The following B4GALNT3 variants were observed in gnomAD, a reference collection of about 807,000 sequenced individuals.
B4GALNT3 encodes the protein beta-1,4-N-acetylgalactosaminyltransferase 3.
Under a neutral mutation model 120.2 loss-of-function variants are expected in B4GALNT3, and 86 were observed. That is an observed-to-expected ratio of 0.72 (90% CI 0.60 to 0.86). The LOEUF (loss-of-function observed/expected upper bound fraction) is 0.86. Ranked by LOEUF, B4GALNT3 falls within the 40% of genes least tolerant of loss-of-function variation. B4GALNT3 has a pLI of 0.00. For missense variants in B4GALNT3, 1,167 were observed against 1,298.9 expected, an observed-to-expected ratio of 0.90 and a Z score of 1.56; for synonymous variants, 518 against 510.4, an observed-to-expected ratio of 1.01 and a Z score of -0.20.
intron 1 of B4GALNT3, among the ~76,000 whole-genome samples, chr12:514,380 G>A (rs915426658): frequency 6.6e-6 from 1 of 151,882 alleles, no homozygotes. Context: ...TGTATTTTTA[G>A]TAGAGGCGGG....
intron 1 of B4GALNT3, among the ~76,000 whole-genome samples, chr12:511,516 T>C (rs1946560341): frequency 1.0e-5 from 1 of 96,352 alleles, no homozygotes; most frequent in African/African-American, 4.2e-5. Flanking sequence ...TCCACCTTCT[T>C]CCACCTTCCA....
In B4GALNT3 at chr12:512,192, C is replaced by CACCTTCCACCTTCCGCCTTCT. The variant is rs1180420060; in HGVS notation, c.170-22974_170-22973insACCTTCCACCTTCCGCCTTCT. 7.0e-3 allele frequency among the ~76,000 whole-genome samples: 553 copies of CACCTTCCACCTTCCGCCTTCT among 79,280 alleles called. 34 individuals carry two copies. The highest frequency in any genetic ancestry group is 0.011 in the Non-Finnish European group (432 of 40,456). 52.0% of individuals were successfully genotyped at this position (79,280 alleles called of 152,430 possible). ...CTTCCGCCTTCCGCCTTCCACCTTC[C>CACCTTCCACCTTCCGCCTTCT]GCCTTCCACCTTCCACCTTCCACCT... is the stretch of plus-strand genomic sequence containing the variant. On this transcript the variant is annotated intron_variant, in intron 1 of 19. Coordinates refer to ENST00000266383, the MANE Select transcript of B4GALNT3 (RefSeq NM_173593.4).
chr12:514,258 C>G (rs1053865064), intron 1 of B4GALNT3, among the ~76,000 whole-genome samples: 1 of 145,914 alleles, frequency 6.9e-6, no homozygotes, highest in Non-Finnish European at 1.5e-5. Context: ...AGTGCAGTGG[C>G]GCGATCTTGG....
chr12:512,179 G>A (rs376842082), intron 1 of B4GALNT3, among the ~76,000 whole-genome samples: 2,798 of 16,164 alleles, frequency 0.17, 194 homozygotes, highest in Middle Eastern at 0.21. Context: ...TCCGCCTTCC[G>A]CCTTCCACCT....
chr12:511,339 T>TCCTTCCACCTTCCACCTTCCACCTTCAA (rs1946552152), intron 1 of B4GALNT3, among the ~76,000 whole-genome samples: 4 of 51,180 alleles, frequency 7.8e-5, no homozygotes, highest in Non-Finnish European at 1.2e-4. Flanking sequence ...CCTTCCACCT[T>TCCTTCCACCTTCCACCTTCCACCTTCAA]CCTTCCACCT....
chr12:512,179 GCCTTCCA>G (rs1394825945), intron 1 of B4GALNT3, among the ~76,000 whole-genome samples: 2 of 16,656 alleles, frequency 1.2e-4, no homozygotes, highest in Non-Finnish European at 9.8e-5. Flanking sequence ...TCCGCCTTCC[GCCTTCCA>G]CCTTCCGCCT....
intron 1 of B4GALNT3, among the ~76,000 whole-genome samples, chr12:504,265 C>T (rs192155581): frequency 5.0e-5 from 7 of 140,298 alleles, no homozygotes; most frequent in East Asian, 4.2e-4. Context: ...TGGGCAACAG[C>T]GAGACCCTGT....
intron 3 of B4GALNT3, 144 bp downstream of exon 3, chr12:536,439 A>G (rs1477216390): frequency 3.5e-6 from 2 of 577,574 alleles, no homozygotes; most frequent in African/African-American, 3.9e-5. Context: ...ATGTTTATGG[A>G]TAATTCCAGA....
chr12:556,143 G>C (rs1346143580), intron 14 of B4GALNT3, among the ~76,000 whole-genome samples: 1 of 152,120 alleles, frequency 6.6e-6, no homozygotes, highest in Admixed American at 6.5e-5. Context: ...CTGTGGTTTT[G>C]ATTTTTATTT....
intron 16 of B4GALNT3, 44 bp from the exon 17 acceptor site, chr12:557,972 C>A: frequency 6.3e-7 from 1 of 1,597,682 alleles, no homozygotes; most frequent in African/African-American, 1.3e-5. Flanking sequence ...AGGGGACCAC[C>A]GCAGCTGAGT....
At position 460,688 on chromosome 12, in the gene B4GALNT3, G is replaced by A; in HGVS notation, c.169+143G>A. 4.3e-6 allele frequency: 4 copies of A among 920,796 alleles called. No homozygotes were observed. The highest frequency in any genetic ancestry group is 5.7e-6 in the Non-Finnish European group (4 of 699,544). The allele number at this position is 920,796 out of a possible 1,614,324, so 57.0% of individuals were successfully genotyped here. On this transcript the variant is annotated intron_variant, in intron 1 of 19. Transcript: ENST00000266383. The surrounding 1 kb of genome is among the most constrained non-coding windows in gnomAD (Gnocchi z 8.0). The stretch of plus-strand genomic sequence containing the variant: ...TCAGGTGCCCGGCGTCGCCCCGCGC[G>A]TACTCGGGGAGAGCTGCGGGCGGGG...
chr12:513,146 C>T (rs1161411735), intron 1 of B4GALNT3, among the ~76,000 whole-genome samples: 1 of 140,236 alleles, frequency 7.1e-6, no homozygotes, highest in Admixed American at 7.0e-5. Flanking sequence ...CTTCCACCTT[C>T]GACCTTCCAC....
At chr12:513,553 G>A (rs542377034) in intron 1 of B4GALNT3, among the ~76,000 whole-genome samples, 11 of 152,256 alleles carry the variant, frequency 7.2e-5, no homozygotes, top group Non-Finnish European at 1.2e-4. Context: ...GGTTTTAGCC[G>A]GCTTCTTTCC....
chr12:537,106 A>C (rs965922180), intron 3 of B4GALNT3, among the ~76,000 whole-genome samples: 1 of 152,234 alleles, frequency 6.6e-6, no homozygotes, highest in African/African-American at 2.4e-5. Flanking sequence ...TTTTTCCATG[A>C]AATGCCTATT....
At chr12:518,897 C>T (rs972064677) in intron 1 of B4GALNT3, among the ~76,000 whole-genome samples, 3 of 152,038 alleles carry the variant, frequency 2.0e-5, no homozygotes, top group African/African-American at 7.2e-5. Flanking sequence ...ATGAAACCTG[C>T]GGGACCTGTG....
At chr12:539,893 G>A (rs974449864) in intron 3 of B4GALNT3, among the ~76,000 whole-genome samples, 5 of 152,138 alleles carry the variant, frequency 3.3e-5, no homozygotes, top group Admixed American at 6.6e-5. Context: ...CCTGGGCAGC[G>A]GAGTGAGACC....
intron 14 of B4GALNT3, 132 bp from the exon 15 acceptor site, chr12:556,415 T>C (rs2120739271): frequency 1.2e-6 from 1 of 832,140 alleles, no homozygotes; most frequent in East Asian, 2.6e-5. Context: ...TGAGGCCCTA[T>C]AGCCAGCCAG....
chr12:511,776 CTT>C (rs1946569641), intron 1 of B4GALNT3, among the ~76,000 whole-genome samples: 1 of 108,712 alleles, frequency 9.2e-6, no homozygotes. Flanking sequence ...CACCTTCCAC[CTT>C]CTTCCACCTT....
intron 1 of B4GALNT3, among the ~76,000 whole-genome samples, chr12:511,394 TG>T (rs1946554635): frequency 1.4e-5 from 1 of 71,532 alleles, no homozygotes. Flanking sequence ...TTCCACCTTC[TG>T]TCTTCCACCT....
Sources: gnomAD v4.1 joint callset for allele counts (sites outside exome capture counted in the v4.1 genomes callset) on GRCh38, gnomAD v4.1.1 for gene constraint, Gnocchi (gnomAD v3.1) non-coding constraint, MANE v1.5 for transcripts, NCBI Gene and HGNC (gene_info 2026-07-23, HGNC 2026-07-21) for gene names.